Variants in RANBP17 observed in about 807,000 individuals in gnomAD.
RANBP17 encodes the protein ran-binding protein 17.
A neutral mutation model predicts 141.2 loss-of-function variants in RANBP17; 158 were observed. That is an observed-to-expected ratio of 1.12 (90% CI 0.98 to 1.28). The LOEUF is 1.28. Ranked by LOEUF, RANBP17 falls within the 50% of genes most tolerant of loss-of-function variation. The probability of loss-of-function intolerance (pLI) is 0.00; values close to 1 mark genes in which losing one functional copy is unlikely to be tolerated. For missense variants in RANBP17, 1,438 were observed against 1,290.7 expected (o/e 1.11, Z -1.75); for synonymous variants, 430 against 450.0 (o/e 0.96, Z 0.56).
At chr5:170,901,107 G>T (rs1483249327) in intron 5 of RANBP17, among the ~76,000 whole-genome samples, 1 of 152,010 alleles carries the variant, frequency 6.6e-6, no homozygotes, top group Non-Finnish European at 1.5e-5. Flanking sequence ...TTGACAGTGG[G>T]GTGTTAAAGT....
intron 22 of RANBP17, among the ~76,000 whole-genome samples, chr5:171,225,762 C>T (rs1419740411): frequency 6.6e-6 from 1 of 152,192 alleles, no homozygotes; most frequent in Non-Finnish European, 1.5e-5. Flanking sequence ...ATGCAACTGA[C>T]TTGTTATGTA....
chr5:171,221,415 C>G (rs1581056646), intron 21 of RANBP17, among the ~76,000 whole-genome samples: 1 of 152,142 alleles, frequency 6.6e-6, no homozygotes, highest in East Asian at 1.9e-4. Flanking sequence ...TTTGTCTAAA[C>G]TTAGACACCT....
intron 3 of RANBP17, among the ~76,000 whole-genome samples, chr5:170,885,678 G>T (rs1769080677): frequency 6.6e-6 from 1 of 152,150 alleles, no homozygotes; most frequent in Admixed American, 6.5e-5. Flanking sequence ...CACTGATCCT[G>T]TACCTTGTGG....
At chr5:171,057,803 A>T (rs1783506603) in intron 14 of RANBP17, among the ~76,000 whole-genome samples, 1 of 152,094 alleles carries the variant, frequency 6.6e-6, no homozygotes, top group Non-Finnish European at 1.5e-5. Context: ...AGATGCTTAC[A>T]AAACCATCAG....
chr5:171,098,710 C>T (rs1453520381), intron 14 of RANBP17, among the ~76,000 whole-genome samples: 1 of 152,168 alleles, frequency 6.6e-6, no homozygotes, highest in Admixed American at 6.5e-5. Context: ...GAAGTTATCA[C>T]CCATGCCTGT....
At chr5:170,895,479 T>C (rs1770037188) in intron 4 of RANBP17, among the ~76,000 whole-genome samples, 3 of 152,224 alleles carry the variant, frequency 2.0e-5, no homozygotes, top group Admixed American at 2.0e-4. Context: ...ATTTATCTCA[T>C]TGCATTGTGT....
chr5:171,230,218 T>G (rs1270125022), intron 22 of RANBP17, among the ~76,000 whole-genome samples: 1 of 152,100 alleles, frequency 6.6e-6, no homozygotes, highest in Non-Finnish European at 1.5e-5. Context: ...CAGAAGAGAT[T>G]TCTAGCTGAA....
intron 14 of RANBP17, among the ~76,000 whole-genome samples, chr5:170,986,050 A>G (rs1163360268): frequency 1.3e-5 from 2 of 152,104 alleles, no homozygotes; most frequent in African/African-American, 4.8e-5. Context: ...AAGTTACCAT[A>G]CATCCAGATT....
At chr5:171,101,407 C>T (rs577773656) in intron 14 of RANBP17, among the ~76,000 whole-genome samples, 7 of 152,210 alleles carry the variant, frequency 4.6e-5, no homozygotes, top group African/African-American at 9.6e-5. Context: ...TTATCAAGGG[C>T]GAAGATTGCA....
intron 14 of RANBP17, among the ~76,000 whole-genome samples, chr5:171,038,433 T>C (rs958029108): frequency 5.3e-5 from 8 of 152,134 alleles, no homozygotes; most frequent in Non-Finnish European, 1.2e-4. Context: ...TTTGCATGCC[T>C]TTTATTTCAT....
At chr5:171,051,241 A>C (rs921479068) in intron 14 of RANBP17, among the ~76,000 whole-genome samples, 34 of 151,626 alleles carry the variant, frequency 2.2e-4, no homozygotes, top group African/African-American at 8.2e-4. Flanking sequence ...TTTTTTCTTT[A>C]TTTATTGTTG....
chr5:170,909,852 C>A, intron 6 of RANBP17, 87 bp downstream of exon 6: 1 of 756,264 alleles, frequency 1.3e-6, no homozygotes, highest in Non-Finnish European at 2.3e-6. Context: ...ATTTTCCCCC[C>A]AGTTTTGCCT....
At chr5:170,913,340 A>G (rs1429467566) in intron 7 of RANBP17, among the ~76,000 whole-genome samples, 1 of 151,950 alleles carries the variant, frequency 6.6e-6, no homozygotes, top group Non-Finnish European at 1.5e-5. Context: ...TCTGGGAGGT[A>G]GGGGTGGGTG....
chr5:171,287,579 T>C (rs1768245792), intron 25 of RANBP17, among the ~76,000 whole-genome samples: 1 of 152,084 alleles, frequency 6.6e-6, no homozygotes, highest in South Asian at 2.1e-4. Flanking sequence ...TCCTTTTTTT[T>C]TTTTGTCCTC....
Position 170,909,668 on chromosome 5 carries a change from ATTCTAGACC to A in RANBP17, c.501_509del (p.Arg168_Ser170del). ...TCATCTTTATCTTTTTAGGTTGATT[ATTCTAGACC>A]TTCAGCAAAACACAGGAAAATAGCT... On this transcript the variant is annotated inframe_deletion, in exon 6 of 28. Transcript: ENST00000523189. The A allele has an allele frequency of 6.8e-7, 1 of 1,468,098 alleles. No homozygotes were observed. Among genetic ancestry groups the A allele is most frequent in the Non-Finnish European group, 9.2e-7 (1 of 1,089,214 alleles). 90.9% of individuals were successfully genotyped at this position (1,468,098 alleles called of 1,614,324 possible).
At chr5:170,862,614 G>T (rs1396886465) in intron 1 of RANBP17, among the ~76,000 whole-genome samples, 1 of 152,178 alleles carries the variant, frequency 6.6e-6, no homozygotes, top group Non-Finnish European at 1.5e-5. Flanking sequence ...GGGGGGAGTT[G>T]CGAGGGAGGG....
intron 22 of RANBP17, among the ~76,000 whole-genome samples, chr5:171,231,100 C>CT (rs367751794): frequency 0.051 from 6,124 of 120,000 alleles, 209 homozygotes; most frequent in East Asian, 0.13. Flanking sequence ...CCATGCCTGG[C>CT]TTTTTTTTTT....
chr5:171,179,413 T>C (rs1024228565), intron 16 of RANBP17, among the ~76,000 whole-genome samples: 3 of 152,128 alleles, frequency 2.0e-5, no homozygotes, highest in Non-Finnish European at 2.9e-5. Context: ...TGAGCAAAAT[T>C]CCACTTTTGA....
At chr5:171,063,892 G>T (rs979517019) in intron 14 of RANBP17, among the ~76,000 whole-genome samples, 1 of 152,222 alleles carries the variant, frequency 6.6e-6, no homozygotes, top group Non-Finnish European at 1.5e-5. Context: ...CAGCCTCGCT[G>T]CTGCCTTGCA....
Sources: allele counts gnomAD v4.1 joint callset (sites outside exome capture counted in the v4.1 genomes callset), GRCh38; gene constraint gnomAD v4.1.1; transcripts MANE v1.5; gene names NCBI Gene and HGNC (gene_info 2026-07-23, HGNC 2026-07-21).